PGM2: variants seen among roughly 807,000 people sequenced by gnomAD.
The protein encoded by PGM2 is phosphopentomutase.
Under a neutral mutation model 74.6 loss-of-function variants are expected in PGM2, and 57 were observed. The observed-to-expected ratio is 0.76, with a 90% CI of 0.62 to 0.95. The LOEUF is 0.95. Among genes scored for constraint, PGM2 ranks in the 40% least tolerant of loss-of-function variants. The pLI, the probability that PGM2 is intolerant of heterozygous loss-of-function variation, is 0.00. For synonymous variants in PGM2, 273 were observed against 260.7 expected, an observed-to-expected ratio of 1.05 and a Z score of -0.46; for missense variants, 706 against 741.9, an observed-to-expected ratio of 0.95 and a Z score of 0.56.
chr4:37,830,187 A>C, intron 2 of PGM2, 56 bp downstream of exon 2: 1 of 1,251,000 alleles, frequency 8.0e-7, no homozygotes, highest in Non-Finnish European at 1.1e-6. Flanking sequence ...CTCATTTTCT[A>C]TTTGGCAGAC....
Position 37,839,903 on chromosome 4 carries a change from A to G in PGM2, c.497A>G (p.His166Arg). The G allele has an allele frequency of 6.2e-7, 1 of 1,603,180 alleles. No homozygotes were observed. The change falls in exon 5 of 14, where the codon CAC becomes CGC. Residue 166 changes from histidine to arginine, a missense_variant. By Grantham distance (29) the His-to-Arg change is conservative. This residue lies in a region of PGM2 where 332 missense variants were observed against 334.9 expected (regional missense o/e 0.99). Coordinates refer to ENST00000381967, the MANE Select transcript of PGM2 (RefSeq NM_018290.4). Reference protein sequence around the residue: ...LCAGIMITASHNPKQDNGYKV... With the variant: ...LCAGIMITASRNPKQDNGYKV... ...GCTGGAATCATGATAACTGCATCTC[A>G]CAATCCAAAGCAGGATAATGGTTAT...
rs1430228977 is a variant in PGM2, at chr4:37,851,961, G to GTTTTCTTTCTTTTTTTTT, written c.1602+1591_1602+1592insTCTTTCTTTTTTTTTTTT. The stretch of plus-strand genomic sequence containing the variant: ...ATTGTATTTCCTGTACCTTTTGTTT[G>GTTTTCTTTCTTTTTTTTT]TTTGTTTTCTTTTTTTTTGGAGACA... On this transcript the variant is annotated intron_variant, in intron 12 of 13. Coordinates refer to ENST00000381967, the MANE Select transcript of PGM2 (RefSeq NM_018290.4). 1.4e-4 allele frequency among the ~76,000 whole-genome samples: 19 copies of GTTTTCTTTCTTTTTTTTT among 135,336 alleles called. 7 individuals are homozygous for GTTTTCTTTCTTTTTTTTT. Among genetic ancestry groups the GTTTTCTTTCTTTTTTTTT allele is most frequent in the Admixed American group, 1.5e-4 (2 of 13,032 alleles). The allele number at this position is 135,336 out of a possible 152,430, so 88.8% of individuals were successfully genotyped here.
At chr4:37,849,098 A>AG (rs1725962101) in intron 11 of PGM2, among the ~76,000 whole-genome samples, 1 of 151,908 alleles carries the variant, frequency 6.6e-6, no homozygotes, top group Admixed American at 6.6e-5. Flanking sequence ...ATTTAAAAAA[A>AG]CTAAAGAGAT....
intron 12 of PGM2, among the ~76,000 whole-genome samples, chr4:37,852,384 A>G (rs961282595): frequency 7.2e-4 from 29 of 40,010 alleles, no homozygotes; most frequent in African/African-American, 1.4e-3. Context: ...TCCATGTCCA[A>G]TGGCCGCCCT....
intron 13 of PGM2, 49 bp downstream of exon 13, chr4:37,855,790 A>G: frequency 6.7e-7 from 1 of 1,495,702 alleles, no homozygotes; most frequent in Non-Finnish European, 9.0e-7. Context: ...CAGACTTCCT[A>G]ACTGGTTCTA....
intron 12 of PGM2, among the ~76,000 whole-genome samples, chr4:37,853,969 C>A (rs572277953): frequency 3.6e-4 from 55 of 152,314 alleles, no homozygotes; most frequent in Non-Finnish European, 7.2e-4. Context: ...CTGCTTTCCA[C>A]CCCTGCCTCA....
chr4:37,848,377 C>T lies in PGM2; in HGVS notation c.1283-145C>T, dbSNP rs1725935565. The T allele has an allele frequency of 6.3e-6, 4 of 630,422 alleles. No individual in the cohort carries two copies. In the South Asian group the frequency reaches 1.2e-4, roughly 18 times the overall value. 39.1% of individuals were successfully genotyped at this position (630,422 alleles called of 1,614,324 possible). On this transcript the variant is annotated intron_variant, in intron 10 of 13. Transcript: ENST00000381967. ...GGCCTGCTATGGGCTAGGCACTGGG[C>T]TAAATTCCTAAACATAAGGTATTAA...
At chr4:37,845,800 C>A in intron 8 of PGM2, 70 bp downstream of exon 8, 2 of 1,019,770 alleles carry the variant, frequency 2.0e-6, no homozygotes, top group Non-Finnish European at 3.1e-6. Context: ...TAAAATGTTT[C>A]TGGGGAGACG....
At chr4:37,841,727 C>T (rs1459721256) in intron 6 of PGM2, among the ~76,000 whole-genome samples, 2 of 152,174 alleles carry the variant, frequency 1.3e-5, no homozygotes, top group East Asian at 3.9e-4. Context: ...TCCCTCTGCC[C>T]CTCTGATTTA....
intron 11 of PGM2, 30 bp from the exon 12 acceptor site, chr4:37,850,154 C>T (rs1377814455): frequency 7.9e-7 from 1 of 1,270,942 alleles, no homozygotes; most frequent in South Asian, 1.3e-5. Flanking sequence ...ATTTGTTCCT[C>T]ATGTGCATGA....
chr4:37,861,501 A>C lies in PGM2; in HGVS notation c.1737-9A>C. 6.3e-7 allele frequency: 1 copy of C among 1,591,824 alleles called. No individual in the cohort carries two copies. Among genetic ancestry groups the C allele is most frequent in the South Asian group, 1.1e-5 (1 of 90,382 alleles). ...CTTGACCTGGATTTTTTTCCCCCTT[A>C]TTTTCCAGTGATCCTGAGCAGCTGA... On this transcript the variant is annotated splice_polypyrimidine_tract_variant and intron_variant, in intron 13 of 13. Transcript: ENST00000381967.
intron 1 of PGM2, among the ~76,000 whole-genome samples, chr4:37,829,662 G>A (rs1346402967): frequency 6.6e-6 from 1 of 152,184 alleles, no homozygotes; most frequent in Non-Finnish European, 1.5e-5. Flanking sequence ...ATCTGCGCAA[G>A]CACCTAGAGT....
chr4:37,842,929 C>A (rs1725770179), intron 6 of PGM2, among the ~76,000 whole-genome samples: 2 of 152,066 alleles, frequency 1.3e-5, no homozygotes, highest in South Asian at 2.1e-4. Flanking sequence ...TCCCAAAGTG[C>A]TAGGATTAGA....
intron 3 of PGM2, among the ~76,000 whole-genome samples, chr4:37,836,056 G>A (rs12640799): frequency 0.068 from 10,420 of 152,306 alleles, 639 homozygotes; most frequent in East Asian, 0.15. Context: ...CAAAGTGCAC[G>A]TATGTGGCTA....
Position 37,826,831 on chromosome 4 carries a change from G to A in PGM2, c.81+18G>A, listed in dbSNP as rs1202127790. The A allele has an allele frequency of 1.3e-6, 2 of 1,513,548 alleles. No homozygotes were observed. The highest frequency in any genetic ancestry group is 1.4e-5 in the African/African-American group (1 of 72,160). The allele number at this position is 1,513,548 out of a possible 1,614,324, so 93.8% of individuals were successfully genotyped here. A position where few individuals can be genotyped will look rare whatever the true frequency, so the allele number is the denominator to read the frequency against. On this transcript the variant is annotated intron_variant, in intron 1 of 13. Coordinates refer to ENST00000381967, the MANE Select transcript of PGM2 (RefSeq NM_018290.4). ...GGGACAAGGTGAGGGGCACCAGCAG[G>A]CGGGGAGCGCCTGGAGCGGGGCCGG...
chr4:37,842,891 G>A (rs1480334077), intron 6 of PGM2, among the ~76,000 whole-genome samples: 1 of 152,080 alleles, frequency 6.6e-6, no homozygotes, highest in Non-Finnish European at 1.5e-5. Flanking sequence ...TCGTATTCCT[G>A]AGCTCAAGCA....
At chr4:37,834,457 T>C (rs1725513410) in intron 2 of PGM2, among the ~76,000 whole-genome samples, 161 bp from the exon 3 acceptor site, 1 of 152,202 alleles carries the variant, frequency 6.6e-6, no homozygotes, top group Non-Finnish European at 1.5e-5. Context: ...AAGCTGTTAT[T>C]TTATTATTGT....
chr4:37,848,301 A>G (rs890460464), intron 10 of PGM2, among the ~76,000 whole-genome samples: 1 of 152,250 alleles, frequency 6.6e-6, no homozygotes, highest in Non-Finnish European at 1.5e-5. Context: ...ATTGAGCACC[A>G]TGTGGCCAGG....
chr4:37,845,652 C>A lies in PGM2; in HGVS notation c.929C>A (p.Ala310Asp), dbSNP rs769407444. 4.6e-5 allele frequency: 74 copies of A among 1,611,342 alleles called. No individual in the cohort carries two copies. The highest frequency in any genetic ancestry group is 6.2e-5 in the Non-Finnish European group (73 of 1,177,586). ...KGVLTLSFAL[A>D]DKTKARIVLA... is the part of the protein sequence containing the mutation. ...CTTCAGACTTTGTCTTTTGCTTTGG[C>A]TGACAAAACCAAGGCCAGAATTGTT... is the stretch of plus-strand genomic sequence containing the variant. The change falls in exon 8 of 14, where the codon GCT becomes GAT. Residue 310 changes from alanine (A) to aspartate (D), a missense_variant. Physicochemically the swap from Ala to Asp is moderately radical, Grantham distance 126. Transcript: ENST00000381967.
Sources: allele counts gnomAD v4.1 joint callset (sites outside exome capture counted in the v4.1 genomes callset), GRCh38; gene constraint gnomAD v4.1.1; regional missense constraint gnomAD v4.1.1; transcripts MANE v1.5; gene names NCBI Gene and HGNC (gene_info 2026-07-23, HGNC 2026-07-21).